The following C22orf42 variants were observed in gnomAD, a reference collection of about 807,000 sequenced individuals.
C22orf42 encodes the protein chromosome 22 open reading frame 42, also known as uncharacterized protein C22orf42.
In C22orf42, 24 loss-of-function variants were observed where a neutral mutation model predicts 31.4. The ratio of observed to expected loss-of-function variants is 0.77; its 90% CI spans 0.55 to 1.08. The LOEUF is 1.08. Ranked by LOEUF, C22orf42 falls within the 50% of genes least tolerant of loss-of-function variation. C22orf42 has a pLI of 0.00. For synonymous variants in C22orf42, 96 were observed against 112.7 expected (o/e 0.85, Z 0.94); for missense variants, 276 against 327.3 (o/e 0.84, Z 1.21).
chr22:32,149,448 A>ATT lies in C22orf42; in HGVS notation c.*90_*91dup. The ATT allele has an allele frequency of 3.0e-6, 4 of 1,335,786 alleles. No homozygotes were observed. Among genetic ancestry groups the ATT allele is most frequent in the Non-Finnish European group, 2.9e-6 (3 of 1,020,598 alleles). 82.7% of individuals were successfully genotyped at this position (1,335,786 alleles called of 1,614,324 possible). On this transcript the variant is annotated 3_prime_UTR_variant, in exon 9 of 9. Coordinates refer to ENST00000382097, the MANE Select transcript of C22orf42 (RefSeq NM_001010859.3). ...CAGTAGGAAGAGAGAGAGGCTTGTG[A>ATT]TTTTTTTTTCACCCAGATGGAAATA...
intron 1 of C22orf42, among the ~76,000 whole-genome samples, chr22:32,154,918 G>A (rs2149513252): frequency 6.6e-6 from 1 of 152,290 alleles, no homozygotes; most frequent in African/African-American, 2.4e-5. Flanking sequence ...TGACTTCACT[G>A]TTTCCATGGG....
At chr22:32,157,566 T>C (rs1921331006) in intron 1 of C22orf42, among the ~76,000 whole-genome samples, 1 of 152,208 alleles carries the variant, frequency 6.6e-6, no homozygotes, top group South Asian at 2.1e-4. Flanking sequence ...AGGCTCCGCC[T>C]CACTTTTCAA....
At chr22:32,151,184 G>A (rs1165775301) in intron 5 of C22orf42, among the ~76,000 whole-genome samples, 165 bp from the exon 6 acceptor site, 3 of 151,984 alleles carry the variant, frequency 2.0e-5, no homozygotes, top group African/African-American at 7.3e-5. Context: ...GGAAAATGCA[G>A]TGGGTTTTTT....
intron 5 of C22orf42, among the ~76,000 whole-genome samples, 199 bp from the exon 6 acceptor site, chr22:32,151,218 G>A (rs1031961670): frequency 2.0e-5 from 3 of 151,994 alleles, no homozygotes; most frequent in South Asian, 2.1e-4. Context: ...AGTCTATGTT[G>A]GCTGGCAAAT....
intron 7 of C22orf42, 49 bp downstream of exon 7, chr22:32,150,270 G>C (rs1213084288): frequency 4.5e-6 from 7 of 1,563,466 alleles, no homozygotes; most frequent in Non-Finnish European, 6.2e-6. Context: ...AATAAGGCAA[G>C]AGGACCCAGA....
At position 32,150,405 on chromosome 22, in the gene C22orf42, G is replaced by A. The variant is rs779268151; in HGVS notation, c.568C>T (p.Leu190=). Residue 190 remains leucine, a synonymous_variant, in exon 7 of 9, where the codon CTA becomes TTA. Transcript: ENST00000382097. The part of the protein sequence containing the change: ...DFMTSDLSES[L]SVSLEDFMTS... Reference sequence around the variant, plus strand: ...ATGAAGTCTTCAAGAGAGACAGATAGGCTTTCACTGAGATCCGATGTCATG... The same window carrying A: ...ATGAAGTCTTCAAGAGAGACAGATAAGCTTTCACTGAGATCCGATGTCATG... 1 of 1,613,964 alleles carries A rather than the reference G, an allele frequency of 6.2e-7. No individual in the cohort carries two copies. Among genetic ancestry groups the A allele is most frequent in the African/African-American group, 1.3e-5 (1 of 74,918 alleles).
chr22:32,160,408 C>A (rs1411590807), upstream of C22orf42: 1 of 152,194 alleles, frequency 6.6e-6, no homozygotes, highest in Non-Finnish European at 1.5e-5. Flanking sequence ...ACAGTCCCAA[C>A]CCTCAGTGAG....
chr22:32,160,416 G>A (rs1341752338), upstream of C22orf42: 1 of 152,214 alleles, frequency 6.6e-6, no homozygotes, highest in African/African-American at 2.4e-5. Flanking sequence ...AACCCTCAGT[G>A]AGTTCAGGCA....
rs2094108080 is a variant in C22orf42 at position 32,149,434 on chromosome 22, G to C, written c.*106C>G. The stretch of plus-strand genomic sequence containing the variant: ...TGTTCACAGGTGCTCAGTAGGAAGA[G>C]AGAGAGGCTTGTGATTTTTTTTTCA... On this transcript the variant is annotated 3_prime_UTR_variant, in exon 9 of 9. Coordinates refer to ENST00000382097, the MANE Select transcript of C22orf42 (RefSeq NM_001010859.3). The C allele has an allele frequency of 1.5e-6, 2 of 1,303,868 alleles. No homozygotes were observed. The highest frequency in any genetic ancestry group is 2.0e-6 in the Non-Finnish European group (2 of 1,003,292). The allele number at this position is 1,303,868 out of a possible 1,614,324, so 80.8% of individuals were successfully genotyped here.
Position 32,159,287 on chromosome 22 carries a change from A to G in C22orf42, c.-72T>C, listed in dbSNP as rs1365143918. On this transcript the variant is annotated 5_prime_UTR_variant, in exon 1 of 9. Coordinates refer to ENST00000382097, the MANE Select transcript of C22orf42 (RefSeq NM_001010859.3). ...TGTAGTCGGAGCTCCTCCTCCTTCT[A>G]CGGCCAGCTACCGACTGAAGGCTGC... is the stretch of plus-strand genomic sequence containing the variant. 5.1e-6 allele frequency: 8 copies of G among 1,565,158 alleles called. No individual in the cohort carries two copies. Among genetic ancestry groups the G allele is most frequent in the Non-Finnish European group, 6.9e-6 (8 of 1,161,044 alleles).
At chr22:32,158,864 C>A in intron 1 of C22orf42, 120 bp downstream of exon 1, 1 of 1,131,752 alleles carries the variant, frequency 8.8e-7, no homozygotes, top group Admixed American at 1.9e-5. Flanking sequence ...GGAAAGCCGG[C>A]TATGGGCAGG....
At position 32,154,230 on chromosome 22, in the gene C22orf42, A is replaced by C; in HGVS notation, c.307+14T>G. On this transcript the variant is annotated intron_variant, in intron 2 of 8. Coordinates refer to ENST00000382097, the MANE Select transcript of C22orf42 (RefSeq NM_001010859.3). ...TTTGCTTAAATGAACTTAATGATTT[A>C]ATTTCCACATTACCTATATTTTCTA... 6.2e-7 allele frequency: 1 copy of C among 1,608,164 alleles called. No individual in the cohort carries two copies. The highest frequency in any genetic ancestry group is 1.1e-5 in the South Asian group (1 of 89,636).
At position 32,152,571 on chromosome 22, in the gene C22orf42, T is replaced by C. The variant is rs148436540; in HGVS notation, c.363A>G (p.Thr121=). The C allele has an allele frequency of 0.018, 28,482 of 1,582,566 alleles. 963 individuals carry two copies. The highest frequency in any genetic ancestry group is 0.14 in the African/African-American group (9,575 of 70,678). ...AAGAAATACATCTTACAATATCTGA[T>C]GTCATATTCTCCTCCACACCGCCGT... The part of the protein sequence containing the change: ...SAHGGVEENM[T]SDIEIPEAKH... Residue 121 remains threonine (T), a synonymous_variant, in exon 3 of 9, where the codon ACA becomes ACG. Coordinates refer to ENST00000382097, the MANE Select transcript of C22orf42 (RefSeq NM_001010859.3).
Position 32,149,641 on chromosome 22 carries a change from C to CAAAA in C22orf42, c.683-32_683-29dup, listed in dbSNP as rs142171049. Reference sequence around the variant, plus strand: ...AGGGGAAAAGAACAAGACTTCATCTCAAAAAAAAAATATATATATATATAT... The same window carrying CAAAA: ...AGGGGAAAAGAACAAGACTTCATCTCAAAAAAAAAAAAAATATATATATATATAT... On this transcript the variant is annotated intron_variant, in intron 8 of 8. Transcript: ENST00000382097. 3.0e-4 allele frequency: 369 copies of CAAAA among 1,236,824 alleles called. 5 individuals carry two copies. In the African/African-American group the frequency reaches 5.5e-3, roughly 18 times the overall value. The allele number at this position is 1,236,824 out of a possible 1,614,324, so 76.6% of individuals were successfully genotyped here. A position where few individuals can be genotyped will look rare whatever the true frequency, so the allele number is the denominator to read the frequency against.
At chr22:32,149,723 C>A (rs747596936) in intron 8 of C22orf42, 30 bp downstream of exon 8, 28 of 1,109,102 alleles carry the variant, frequency 2.5e-5, no homozygotes, top group African/African-American at 1.2e-4. Flanking sequence ...ACATATATAT[C>A]TATATATATC....
chr22:32,149,583 T>C lies in C22orf42; in HGVS notation c.713A>G (p.Asn238Ser). Residue 238 changes from asparagine to serine, a missense_variant, in exon 9 of 9, where the codon AAT becomes AGT. Physicochemically the swap from Asn to Ser is conservative, Grantham distance 46. Coordinates refer to ENST00000382097, the MANE Select transcript of C22orf42 (RefSeq NM_001010859.3). Reference sequence around the variant, plus strand: ...TAGAACCTGGCTGCTGATGGGTTCATTGAGCCGAGACCGTGCCATCTTAAC... The same window carrying C: ...TAGAACCTGGCTGCTGATGGGTTCACTGAGCCGAGACCGTGCCATCTTAAC... ...CWVKMARSRL[N>S]EPISSQVLGL... is the part of the protein sequence containing the mutation. 2 of 1,533,400 alleles carry C rather than the reference T, an allele frequency of 1.3e-6. No individual in the cohort carries two copies. Among genetic ancestry groups the C allele is most frequent in the South Asian group, 1.2e-5 (1 of 81,410 alleles). The allele number at this position is 1,533,400 out of a possible 1,614,324, so 95.0% of individuals were successfully genotyped here.
chr22:32,150,912 C>G, intron 6 of C22orf42, 80 bp downstream of exon 6: 2 of 1,414,992 alleles, frequency 1.4e-6, no homozygotes, highest in East Asian at 4.6e-5. Flanking sequence ...AGTAAAAACG[C>G]TGAATCACTT....
chr22:32,150,033 T>G (rs2094109831), intron 7 of C22orf42: 2 of 497,992 alleles, frequency 4.0e-6, no homozygotes, highest in East Asian at 6.3e-5. Context: ...AGAAATATGC[T>G]CACTACCAGA....
intron 7 of C22orf42, 141 bp downstream of exon 7, chr22:32,150,178 T>C: frequency 4.8e-6 from 4 of 830,708 alleles, no homozygotes; most frequent in Non-Finnish European, 7.7e-6. Context: ...AATATGATAT[T>C]CCCTTGATAT....
Sources: allele counts gnomAD v4.1 joint callset (sites outside exome capture counted in the v4.1 genomes callset), GRCh38; gene constraint gnomAD v4.1.1; transcripts MANE v1.5; gene names NCBI Gene and HGNC (gene_info 2026-07-23, HGNC 2026-07-21).